Variants in LDB2 observed in about 807,000 individuals in gnomAD.
The protein encoded by LDB2 is LIM domain binding 2, also known as LIM domain-binding protein 2.
Under a neutral mutation model 44.3 loss-of-function variants are expected in LDB2, and 12 were observed. The observed-to-expected ratio is 0.27, with a 90% CI of 0.17 to 0.44. The LOEUF is 0.44. Ranked by LOEUF, LDB2 falls within the 20% of genes least tolerant of loss-of-function variation. LDB2 has a pLI of 1.00. For missense variants in LDB2, 344 were observed against 473.5 expected (o/e 0.73, Z 2.54); for synonymous variants, 164 against 174.8 (o/e 0.94, Z 0.49).
chr4:16,842,132 T>C, intron 1 of LDB2, among the ~76,000 whole-genome samples: 1 of 152,186 alleles, frequency 6.6e-6, no homozygotes, highest in East Asian at 1.9e-4. Flanking sequence ...ACTCCACACA[T>C]TATTTTTTAC....
rs550007513 is a variant in LDB2, at chr4:16,852,290, C to T, written c.132+46064G>A. ...ATTACCAAGGTATCCTGTGTCCTACCCATGACTAGGGAGGAAGGAAATGTT... is the reference window on the plus strand; with the variant it reads ...ATTACCAAGGTATCCTGTGTCCTACTCATGACTAGGGAGGAAGGAAATGTT... On this transcript the variant is annotated intron_variant, in intron 1 of 7. Transcript: ENST00000304523. 2.0e-5 allele frequency among the ~76,000 whole-genome samples: 3 copies of T among 152,222 alleles called. No homozygotes were observed. In the South Asian group the frequency reaches 6.2e-4, roughly 32 times the overall value.
rs141721038 is a variant in LDB2, at chr4:16,827,442, AAAACC to A, written c.133-68187_133-68183del. Among the ~76,000 whole-genome samples the A allele has an allele frequency of 8.9e-3, 1,357 of 152,330 alleles. 27 individuals are homozygous for A. Among genetic ancestry groups the A allele is most frequent in the East Asian group, 0.053 (272 of 5,176 alleles). On this transcript the variant is annotated intron_variant, in intron 1 of 7. Transcript: ENST00000304523. Reference sequence around the variant, plus strand: ...TTCCTACCATACTTGGAAAAGCTAAAAAACCAAACCAAAACAAAACAGGATGAGAA... The same window carrying A: ...TTCCTACCATACTTGGAAAAGCTAAAAAACCAAAACAAAACAGGATGAGAA...
intron 5 of LDB2, among the ~76,000 whole-genome samples, chr4:16,558,733 A>G (rs1740805667): frequency 6.6e-6 from 1 of 152,144 alleles, no homozygotes; most frequent in Admixed American, 6.5e-5. Context: ...CTCCTCGAGA[A>G]GAGCAACTCC....
In LDB2 at chr4:16,578,216, A is replaced by G. The variant is rs140293552; in HGVS notation, c.615+7706T>C. Among the ~76,000 whole-genome samples the G allele has an allele frequency of 5.9e-5, 9 of 152,332 alleles. No homozygotes were observed. In the East Asian group the frequency reaches 1.7e-3, roughly 29 times the overall value. ...AAAATGGACAAAAGAGGTCACATCAAGTTAAAAACTTTCTGCACAGCAAAG... is the reference window on the plus strand; with the variant it reads ...AAAATGGACAAAAGAGGTCACATCAGGTTAAAAACTTTCTGCACAGCAAAG... On this transcript the variant is annotated intron_variant, in intron 5 of 7. Transcript: ENST00000304523.
At chr4:16,703,303 G>A (rs967902377) in intron 2 of LDB2, among the ~76,000 whole-genome samples, 3 of 152,236 alleles carry the variant, frequency 2.0e-5, no homozygotes, top group Admixed American at 6.5e-5. Context: ...GAAGAAGCCA[G>A]TCGTGGAAGG....
chr4:16,898,337 A>T lies in LDB2; in HGVS notation c.132+17T>A. On this transcript the variant is annotated intron_variant, in intron 1 of 7. Transcript: ENST00000304523. The stretch of plus-strand genomic sequence containing the variant: ...AACAAAAATACACAAACACATCCCC[A>T]AGGTTGAAGTACTTACCTCTGTGCG... 3 of 1,608,070 alleles carry T rather than the reference A, an allele frequency of 1.9e-6. No homozygotes were observed. The highest frequency in any genetic ancestry group is 2.6e-6 in the Non-Finnish European group (3 of 1,175,944).
At chr4:16,552,607 A>C (rs1738074995) in intron 5 of LDB2, among the ~76,000 whole-genome samples, 2 of 152,160 alleles carry the variant, frequency 1.3e-5, no homozygotes, top group East Asian at 3.9e-4. Flanking sequence ...TAAATATCAT[A>C]ATTTTCTGTT....
intron 2 of LDB2, among the ~76,000 whole-genome samples, chr4:16,731,102 G>C (rs1238779558): frequency 6.6e-6 from 1 of 152,154 alleles, no homozygotes; most frequent in East Asian, 1.9e-4. Flanking sequence ...CAGACCTAGG[G>C]AAAGGATGTA....
chr4:16,590,034 G>A (rs1015596816), intron 3 of LDB2, among the ~76,000 whole-genome samples: 2 of 152,132 alleles, frequency 1.3e-5, no homozygotes, highest in South Asian at 2.1e-4. Flanking sequence ...AAATGATAGC[G>A]CTACAGATAA....
chr4:16,778,294 C>G (rs146575298), intron 1 of LDB2, among the ~76,000 whole-genome samples: 1 of 152,194 alleles, frequency 6.6e-6, no homozygotes, highest in African/African-American at 2.4e-5. Flanking sequence ...CACAATCATA[C>G]GCACACACGC....
intron 2 of LDB2, among the ~76,000 whole-genome samples, chr4:16,735,531 G>C (rs1267325890): frequency 6.6e-6 from 1 of 151,524 alleles, no homozygotes; most frequent in African/African-American, 2.4e-5. Flanking sequence ...CCAATGAATA[G>C]AGTCAATGAA....
At chr4:16,516,986 G>A (rs1442985161) in intron 5 of LDB2, among the ~76,000 whole-genome samples, 1 of 152,196 alleles carries the variant, frequency 6.6e-6, no homozygotes, top group Non-Finnish European at 1.5e-5. Context: ...TGCTGTAGGT[G>A]GCAGAACTAA....
intron 1 of LDB2, among the ~76,000 whole-genome samples, chr4:16,866,825 TTG>T: frequency 6.6e-6 from 1 of 152,334 alleles, no homozygotes; most frequent in East Asian, 1.9e-4. Flanking sequence ...TGGGCCTGTG[TTG>T]TTTGCAGAGT....
Position 16,586,510 on chromosome 4 carries a change from ACACACACACACACAC to A in LDB2, c.532-520_532-506del, listed in dbSNP as rs1260346597. Among the ~76,000 whole-genome samples, 743 of 83,762 alleles carry A rather than the reference ACACACACACACACAC, an allele frequency of 8.9e-3. 7 individuals carry two copies. The highest frequency in any genetic ancestry group is 0.03 in the African/African-American group (714 of 23,916). 55.0% of individuals were successfully genotyped at this position (83,762 alleles called of 152,430 possible). ...AATACACACACACACACACACACAC[ACACACACACACACAC>A]AAAACACACACACACACACACACAC... On this transcript the variant is annotated intron_variant, in intron 4 of 7. Coordinates refer to ENST00000304523, the MANE Select transcript of LDB2 (RefSeq NM_001290.5).
intron 2 of LDB2, among the ~76,000 whole-genome samples, chr4:16,712,482 T>G (rs1407888698): frequency 6.6e-6 from 1 of 151,128 alleles, no homozygotes; most frequent in African/African-American, 2.4e-5. Context: ...AGCCCAGGAG[T>G]CGGAGGTTGT....
At chr4:16,861,901 A>C (rs1712712432) in intron 1 of LDB2, among the ~76,000 whole-genome samples, 1 of 152,204 alleles carries the variant, frequency 6.6e-6, no homozygotes, top group African/African-American at 2.4e-5. Flanking sequence ...GATACTCCCT[A>C]GGTGCTCAAG....
At chr4:16,620,759 G>A (rs759474334) in intron 2 of LDB2, among the ~76,000 whole-genome samples, 31 of 152,262 alleles carry the variant, frequency 2.0e-4, no homozygotes, top group Middle Eastern at 3.4e-3. Context: ...TCTCCAAGGG[G>A]AGCCTCTGTC....
At chr4:16,719,600 T>C (rs962955226) in intron 2 of LDB2, among the ~76,000 whole-genome samples, 4 of 152,084 alleles carry the variant, frequency 2.6e-5, no homozygotes, top group African/African-American at 9.7e-5. Flanking sequence ...AGCTAAATTT[T>C]AGGAAGTAAT....
chr4:16,622,430 T>C (rs1312480120), intron 2 of LDB2, among the ~76,000 whole-genome samples: 2 of 152,230 alleles, frequency 1.3e-5, no homozygotes, highest in Non-Finnish European at 2.9e-5. Flanking sequence ...TTTAGAGTTA[T>C]GGGAAATAGC....
Sources: allele counts gnomAD v4.1 joint callset (sites outside exome capture counted in the v4.1 genomes callset), GRCh38; gene constraint gnomAD v4.1.1; transcripts MANE v1.5; gene names NCBI Gene and HGNC (gene_info 2026-07-23, HGNC 2026-07-21).